Variants in UBE2E2 observed in about 807,000 individuals in gnomAD.
The protein encoded by UBE2E2 is ubiquitin conjugating enzyme E2 E2, also known as ubiquitin-conjugating enzyme E2 E2.
In UBE2E2, 6 loss-of-function variants were observed where a neutral mutation model predicts 24.7. That is an observed-to-expected ratio of 0.24 (90% CI 0.13 to 0.48). The LOEUF (loss-of-function observed/expected upper bound fraction) is 0.48, where lower values mean the gene tolerates loss of function less well. Ranked by LOEUF, UBE2E2 falls within the 20% of genes least tolerant of loss-of-function variation. The pLI, the probability that UBE2E2 is intolerant of heterozygous loss-of-function variation, is 0.99. For synonymous variants in UBE2E2, 104 were observed against 83.6 expected (o/e 1.24, Z -1.33); for missense variants, 169 against 245.0 (o/e 0.69, Z 2.07).
chr3:23,413,395 A>G (rs1360324616), intron 3 of UBE2E2, among the ~76,000 whole-genome samples: 1 of 151,988 alleles, frequency 6.6e-6, no homozygotes, highest in African/African-American at 2.4e-5. Flanking sequence ...CAGGGGAGAG[A>G]TTGAAAGTAT....
At chr3:23,274,934 A>G (rs1236010040) in intron 3 of UBE2E2, among the ~76,000 whole-genome samples, 1 of 152,160 alleles carries the variant, frequency 6.6e-6, no homozygotes, top group East Asian at 1.9e-4. Flanking sequence ...ATTACAGCTA[A>G]CTTGTTTAGA....
intron 3 of UBE2E2, among the ~76,000 whole-genome samples, chr3:23,293,729 C>T (rs539005224): frequency 4.6e-5 from 7 of 152,198 alleles, no homozygotes; most frequent in Admixed American, 1.3e-4. Context: ...CCATTTATTT[C>T]GTCTTTAGAA....
intron 3 of UBE2E2, among the ~76,000 whole-genome samples, chr3:23,353,319 C>T (rs1300511237): frequency 6.6e-6 from 1 of 151,926 alleles, no homozygotes; most frequent in Non-Finnish European, 1.5e-5. Context: ...CCTTTGAAAA[C>T]TGGCACAAGA....
At chr3:23,358,799 A>G (rs1019462877) in intron 3 of UBE2E2, among the ~76,000 whole-genome samples, 8 of 152,242 alleles carry the variant, frequency 5.3e-5, no homozygotes, top group Non-Finnish European at 8.8e-5. Context: ...GCCATTGTGC[A>G]TGAACTAACA....
At chr3:23,438,409 G>A (rs895150848) in intron 3 of UBE2E2, among the ~76,000 whole-genome samples, 1 of 152,198 alleles carries the variant, frequency 6.6e-6, no homozygotes, top group Non-Finnish European at 1.5e-5. Flanking sequence ...GGCAGAAATA[G>A]TACTCAAAAT....
intron 3 of UBE2E2, among the ~76,000 whole-genome samples, chr3:23,336,329 G>C (rs767857063): frequency 2.0e-4 from 31 of 152,122 alleles, no homozygotes; most frequent in Non-Finnish European, 4.3e-4. Context: ...ATGGGCTTCT[G>C]ATTCTAAAAA....
intron 4 of UBE2E2, among the ~76,000 whole-genome samples, chr3:23,529,441 A>G (rs1695071271): frequency 6.6e-6 from 1 of 152,158 alleles, no homozygotes; most frequent in South Asian, 2.1e-4. Flanking sequence ...TGAATCTACA[A>G]TTATCCCAGA....
At chr3:23,241,298 G>C (rs1398300443) in intron 3 of UBE2E2, among the ~76,000 whole-genome samples, 1 of 152,134 alleles carries the variant, frequency 6.6e-6, no homozygotes, top group Non-Finnish European at 1.5e-5. Context: ...TCTTGCTTGA[G>C]TTATTGCCAC....
chr3:23,214,531 A>C (rs910714594), intron 2 of UBE2E2, among the ~76,000 whole-genome samples: 7 of 151,348 alleles, frequency 4.6e-5, no homozygotes, highest in Admixed American at 3.9e-4. Flanking sequence ...GATTACAGCC[A>C]TAGCCACCAA....
chr3:23,479,159 T>C (rs1402187344), intron 3 of UBE2E2, among the ~76,000 whole-genome samples: 4 of 152,150 alleles, frequency 2.6e-5, no homozygotes. Context: ...GAATCAGCTG[T>C]GCTTGACTCA....
At chr3:23,483,488 T>A (rs1400794562) in intron 3 of UBE2E2, among the ~76,000 whole-genome samples, 1 of 152,200 alleles carries the variant, frequency 6.6e-6, no homozygotes, top group Non-Finnish European at 1.5e-5. Context: ...GGCTCAGTGG[T>A]ATGAAAGGTG....
At chr3:23,394,349 A>T (rs986465505) in intron 3 of UBE2E2, among the ~76,000 whole-genome samples, 1 of 152,194 alleles carries the variant, frequency 6.6e-6, no homozygotes, top group Non-Finnish European at 1.5e-5. Flanking sequence ...GTATATTTTT[A>T]CGAAATTGTG....
At chr3:23,579,603 T>C (rs1013513006) in intron 5 of UBE2E2, among the ~76,000 whole-genome samples, 1 of 148,418 alleles carries the variant, frequency 6.7e-6, no homozygotes, top group Non-Finnish European at 1.5e-5. Context: ...GGGAGACTGA[T>C]ACAGGAGGAT....
intron 3 of UBE2E2, among the ~76,000 whole-genome samples, chr3:23,303,985 A>G (rs1343006707): frequency 6.6e-6 from 1 of 152,216 alleles, no homozygotes. Context: ...GATTCTTCCC[A>G]GGGCACTGGG....
intron 3 of UBE2E2, among the ~76,000 whole-genome samples, chr3:23,371,901 T>G (rs1056400470): frequency 9.9e-5 from 15 of 152,246 alleles, no homozygotes; most frequent in African/African-American, 3.6e-4. Context: ...GTGGATCATT[T>G]GAGGTCAGGA....
chr3:23,568,286 A>G (rs1027990981), intron 5 of UBE2E2, among the ~76,000 whole-genome samples: 3 of 152,196 alleles, frequency 2.0e-5, no homozygotes, highest in African/African-American at 7.2e-5. Flanking sequence ...CTGAAGAGGA[A>G]TGTGAACAGA....
In UBE2E2 at chr3:23,407,626, TGTTTGTGTGTGC is replaced by T. The variant is rs1697391684; in HGVS notation, c.228-91981_228-91970del. On this transcript the variant is annotated intron_variant, in intron 3 of 5. Coordinates refer to ENST00000396703, the MANE Select transcript of UBE2E2 (RefSeq NM_152653.4). This position sits in a 1 kb window ranked among gnomAD's most constrained non-coding sequence, Gnocchi z 4.0. ...GTTTTGGGAGGAGTGCATGTGTGTGTGTTTGTGTGTGCATGCGTGCATGTGTGTGTGTGTGTG... is the reference window on the plus strand; with the variant it reads ...GTTTTGGGAGGAGTGCATGTGTGTGTATGCGTGCATGTGTGTGTGTGTGTG... 7.0e-6 allele frequency among the ~76,000 whole-genome samples: 1 copy of T among 143,684 alleles called. No homozygotes were observed. Among genetic ancestry groups the T allele is most frequent in the Non-Finnish European group, 1.5e-5 (1 of 67,428 alleles). The allele number at this position is 143,684 out of a possible 152,430, so 94.3% of individuals were successfully genotyped here.
At chr3:23,349,348 G>C (rs1238357367) in intron 3 of UBE2E2, among the ~76,000 whole-genome samples, 5 of 152,310 alleles carry the variant, frequency 3.3e-5, no homozygotes, top group Admixed American at 3.3e-4. Flanking sequence ...GAGGTACTGG[G>C]TTCATCTCAC....
chr3:23,543,477 A>G (rs1695444504), intron 5 of UBE2E2, among the ~76,000 whole-genome samples: 3 of 152,182 alleles, frequency 2.0e-5, no homozygotes, highest in Admixed American at 2.0e-4. Context: ...CAAAAATAAA[A>G]TAAAATGCCT....
Sources: gnomAD v4.1 joint callset for allele counts (sites outside exome capture counted in the v4.1 genomes callset) on GRCh38, gnomAD v4.1.1 for gene constraint, Gnocchi (gnomAD v3.1) non-coding constraint, MANE v1.5 for transcripts, NCBI Gene and HGNC (gene_info 2026-07-23, HGNC 2026-07-21) for gene names.